The following IFT81 variants were observed in gnomAD, a reference collection of about 807,000 sequenced individuals.
The protein encoded by IFT81 is intraflagellar transport protein 81 homolog.
IFT81 carries 72 observed loss-of-function variants against 102.6 expected under a neutral mutation model. That is an observed-to-expected ratio of 0.70 (90% CI 0.58 to 0.85). IFT81 has a LOEUF of 0.85. Among genes scored for constraint, IFT81 ranks in the 40% least tolerant of loss-of-function variants. The pLI, the probability that IFT81 is intolerant of heterozygous loss-of-function variation, is 0.00. For synonymous variants in IFT81, 237 were observed against 242.7 expected, an observed-to-expected ratio of 0.98 and a Z score of 0.22; for missense variants, 723 against 787.3, an observed-to-expected ratio of 0.92 and a Z score of 0.98.
intron 8 of IFT81, among the ~76,000 whole-genome samples, chr12:110,142,664 G>T (rs1894965048): frequency 6.6e-6 from 1 of 151,868 alleles, no homozygotes; most frequent in African/African-American, 2.4e-5. Context: ...GCTGAGGCAG[G>T]TGACTGCTCA....
Position 110,124,402 on chromosome 12 carries a change from C to A in IFT81, c.-481C>A, listed in dbSNP as rs567558734. 2 of 152,252 alleles carry A rather than the reference C, an allele frequency of 1.3e-5. No individual in the cohort carries two copies. The highest frequency in any genetic ancestry group is 3.9e-4 in the East Asian group (2 of 5,182). 9.4% of individuals were successfully genotyped at this position (152,252 alleles called of 1,614,324 possible). A position where few individuals can be genotyped will look rare whatever the true frequency, so the allele number is the denominator to read the frequency against. Reference sequence around the variant, plus strand: ...TGGGAGCGGTCTAGAGCCCGGGCGCCTCCTGGGGGGTGGGGAAACGGTTTC... The same window carrying A: ...TGGGAGCGGTCTAGAGCCCGGGCGCATCCTGGGGGGTGGGGAAACGGTTTC... On this transcript the variant is annotated 5_prime_UTR_variant, in exon 1 of 19. Coordinates refer to ENST00000242591, the MANE Select transcript of IFT81 (RefSeq NM_014055.4).
chr12:110,168,960 T>C (rs1422137026), intron 11 of IFT81: 1 of 151,858 alleles, frequency 6.6e-6, no homozygotes, highest in Non-Finnish European at 1.5e-5. Flanking sequence ...ATATGAAGAG[T>C]GTGCTTTATG....
intron 11 of IFT81, chr12:110,168,849 G>A (rs1196092944): frequency 1.3e-5 from 2 of 152,132 alleles, no homozygotes; most frequent in Non-Finnish European, 2.9e-5. Flanking sequence ...CCCTAGAAAG[G>A]TCTGCTTGCA....
chr12:110,164,609 C>G (rs1320008525), intron 11 of IFT81, among the ~76,000 whole-genome samples: 1 of 152,098 alleles, frequency 6.6e-6, no homozygotes, highest in African/African-American at 2.4e-5. Flanking sequence ...TGAATTGCTC[C>G]CATAGTACCA....
At chr12:110,181,557 T>C (rs1310117709) in intron 12 of IFT81, among the ~76,000 whole-genome samples, 2 of 152,200 alleles carry the variant, frequency 1.3e-5, no homozygotes, top group Admixed American at 6.5e-5. Flanking sequence ...AATTGTTTCA[T>C]GTGCAGTGAA....
chr12:110,191,507 A>G (rs751097743), intron 13 of IFT81, among the ~76,000 whole-genome samples: 8 of 151,996 alleles, frequency 5.3e-5, no homozygotes, highest in Non-Finnish European at 1.0e-4. Flanking sequence ...AATTTTTTTC[A>G]TTCTAGTAAG....
intron 11 of IFT81, among the ~76,000 whole-genome samples, chr12:110,167,094 A>G (rs1012134492): frequency 1.3e-5 from 2 of 152,072 alleles, no homozygotes; most frequent in Non-Finnish European, 2.9e-5. Flanking sequence ...TTAATGTTCC[A>G]GATGTTACAT....
chr12:110,185,087 T>C (rs1158364136), intron 12 of IFT81, among the ~76,000 whole-genome samples: 5 of 152,240 alleles, frequency 3.3e-5, no homozygotes, highest in Non-Finnish European at 7.3e-5. Context: ...GCCACAGTAA[T>C]AGAGTCCTTA....
At chr12:110,139,821 A>G (rs926113582) in intron 8 of IFT81, among the ~76,000 whole-genome samples, 24 of 130,854 alleles carry the variant, frequency 1.8e-4, no homozygotes, top group Non-Finnish European at 2.1e-4. Context: ...AATAAAATAA[A>G]TAAAATAAAA....
chr12:110,145,899 C>G (rs374526710), intron 9 of IFT81, among the ~76,000 whole-genome samples: 1 of 152,012 alleles, frequency 6.6e-6, no homozygotes, highest in South Asian at 2.1e-4. Context: ...CAACCTCCAC[C>G]TCCTGGGTTC....
chr12:110,138,305 T>A (rs887311819), intron 8 of IFT81, among the ~76,000 whole-genome samples: 2 of 152,174 alleles, frequency 1.3e-5, no homozygotes, highest in Non-Finnish European at 2.9e-5. Context: ...CTCTAACTTT[T>A]CAGTAACAAA....
intron 8 of IFT81, among the ~76,000 whole-genome samples, chr12:110,139,651 G>T (rs1483019878): frequency 1.3e-4 from 19 of 151,368 alleles, no homozygotes; most frequent in African/African-American, 4.4e-4. Flanking sequence ...GCGGGTGCCT[G>T]TAGTCCCAGC....
At chr12:110,173,043 C>G (rs1203838574) in intron 11 of IFT81, among the ~76,000 whole-genome samples, 1 of 147,130 alleles carries the variant, frequency 6.8e-6, no homozygotes, top group African/African-American at 2.5e-5. Flanking sequence ...TGAGGGGCGC[C>G]TCTGCCCAGC....
intron 18 of IFT81, among the ~76,000 whole-genome samples, chr12:110,214,013 T>G (rs1401486478): frequency 2.0e-5 from 3 of 152,248 alleles, no homozygotes; most frequent in African/African-American, 7.2e-5. Context: ...TGTGAATAAA[T>G]GACCATTATA....
chr12:110,132,062 T>C (rs1894195214), intron 4 of IFT81, among the ~76,000 whole-genome samples: 1 of 152,214 alleles, frequency 6.6e-6, no homozygotes, highest in South Asian at 2.1e-4. Flanking sequence ...ATGGTAGAGA[T>C]GTACTTTTTT....
At chr12:110,127,215 C>A in intron 1 of IFT81, 145 bp from the exon 2 acceptor site, 2 of 784,804 alleles carry the variant, frequency 2.5e-6, no homozygotes, top group Non-Finnish European at 3.7e-6. Flanking sequence ...GGATTTCTTT[C>A]AACAAAATAA....
Position 110,127,464 on chromosome 12 carries a change from C to A in IFT81, c.84C>A (p.Ser28=). ...ACTATAATTTAATCACGTTTGATTC[C>A]TTGGAGCCAATGCAACTATTACAAG... is the stretch of plus-strand genomic sequence containing the variant. ...RKNYNLITFD[S]LEPMQLLQVL... The change falls in exon 2 of 19, where the codon TCC becomes TCA. Residue 28 remains serine (S), a synonymous_variant. Coordinates refer to ENST00000242591, the MANE Select transcript of IFT81 (RefSeq NM_014055.4). 6.2e-7 allele frequency: 1 copy of A among 1,610,166 alleles called. No individual in the cohort carries two copies. Among genetic ancestry groups the A allele is most frequent in the Non-Finnish European group, 8.5e-7 (1 of 1,178,336 alleles).
intron 11 of IFT81, among the ~76,000 whole-genome samples, chr12:110,170,456 GA>G (rs1896678673): frequency 1.3e-5 from 2 of 152,188 alleles, no homozygotes; most frequent in African/African-American, 4.8e-5. Context: ...ACGAAGAATA[GA>G]ACATGTGCCT....
At chr12:110,151,060 T>A (rs1263850703) in intron 10 of IFT81, among the ~76,000 whole-genome samples, 1 of 152,194 alleles carries the variant, frequency 6.6e-6, no homozygotes. Flanking sequence ...CCATTTAAAG[T>A]GTACACTTCA....
Sources: gnomAD v4.1 joint callset for allele counts (sites outside exome capture counted in the v4.1 genomes callset) on GRCh38, gnomAD v4.1.1 for gene constraint, MANE v1.5 for transcripts, NCBI Gene and HGNC (gene_info 2026-07-23, HGNC 2026-07-21) for gene names.